UBE2L3: variants seen among roughly 807,000 people sequenced by gnomAD.
The protein encoded by UBE2L3 is ubiquitin conjugating enzyme E2 L3.
UBE2L3 carries 1 observed loss-of-function variant against 17.8 expected under a neutral mutation model. The ratio of observed to expected loss-of-function variants is 0.06; its 90% CI spans 0.02 to 0.27. The LOEUF (loss-of-function observed/expected upper bound fraction) is 0.27. UBE2L3 is among the 10% of genes least tolerant of loss of function. The pLI, the probability that UBE2L3 is intolerant of heterozygous loss-of-function variation, is 1.00. For synonymous variants in UBE2L3, 44 were observed against 68.5 expected (o/e 0.64, Z 1.76); for missense variants, 40 against 192.6 (o/e 0.21, Z 4.69).
chr22:21,616,297 G>C (rs1229350038), intron 3 of UBE2L3, among the ~76,000 whole-genome samples: 1 of 152,156 alleles, frequency 6.6e-6, no homozygotes, highest in Non-Finnish European at 1.5e-5. Context: ...GTGATTGTCA[G>C]GGTCTAGGAG....
chr22:21,565,971 C>CTCT, upstream of UBE2L3, among the ~76,000 whole-genome samples: 1 of 122,648 alleles, frequency 8.2e-6, no homozygotes, highest in Admixed American at 9.3e-5. Flanking sequence ...CAGAGTACTC[C>CTCT]TTTTTTTTTT....
chr22:21,589,586 G>C (rs566721393), intron 1 of UBE2L3, among the ~76,000 whole-genome samples: 2 of 152,280 alleles, frequency 1.3e-5, no homozygotes, highest in East Asian at 3.9e-4. Context: ...GGGTGGGTTG[G>C]TCACAGTGCC....
chr22:21,592,576 G>A (rs1276628047), intron 1 of UBE2L3, among the ~76,000 whole-genome samples: 1 of 152,182 alleles, frequency 6.6e-6, no homozygotes, highest in Non-Finnish European at 1.5e-5. Context: ...CAAAGAGGAG[G>A]TGGTACGTCT....
chr22:21,573,177 T>C (rs531955110), intron 1 of UBE2L3, among the ~76,000 whole-genome samples: 1 of 152,226 alleles, frequency 6.6e-6, no homozygotes, highest in South Asian at 2.1e-4. Flanking sequence ...AGTAGAGAAG[T>C]GCACATGAGC....
chr22:21,556,147 C>T (rs1476225143), intron 1 of UBE2L3, among the ~76,000 whole-genome samples: 2 of 152,232 alleles, frequency 1.3e-5, no homozygotes, highest in Admixed American at 1.3e-4. Flanking sequence ...GGGAAGATTG[C>T]TTGAGCCTGG....
chr22:21,584,710 G>C (rs1207420192), intron 1 of UBE2L3, among the ~76,000 whole-genome samples: 2 of 150,764 alleles, frequency 1.3e-5, no homozygotes, highest in Admixed American at 1.3e-4. Flanking sequence ...GGGATTACAG[G>C]AGCACTTTGG....
In UBE2L3 at chr22:21,587,147, A is replaced by G. The variant is rs539738144; in HGVS notation, c.28-5714A>G. 2.6e-4 allele frequency among the ~76,000 whole-genome samples: 39 copies of G among 151,990 alleles called. 1 individual carries two copies. The highest frequency in any genetic ancestry group is 5.4e-4 in the Non-Finnish European group (37 of 67,968). On this transcript the variant is annotated intron_variant, in intron 1 of 3. Coordinates refer to ENST00000342192, the MANE Select transcript of UBE2L3 (RefSeq NM_003347.4). ...GTGATCCACCTGCTTTGGCCTCCCAAAATGCTGGGATTACAGGCATGAACC... is the reference window on the plus strand; with the variant it reads ...GTGATCCACCTGCTTTGGCCTCCCAGAATGCTGGGATTACAGGCATGAACC...
intron 3 of UBE2L3, among the ~76,000 whole-genome samples, chr22:21,615,387 T>G (rs369743345): frequency 2.7e-5 from 4 of 150,068 alleles, no homozygotes; most frequent in African/African-American, 4.9e-5. Context: ...AACCCTGTCT[T>G]TACTAAAAAT....
chr22:21,582,374 G>A (rs1319033788), intron 1 of UBE2L3, among the ~76,000 whole-genome samples: 1 of 147,952 alleles, frequency 6.8e-6, no homozygotes, highest in Non-Finnish European at 1.5e-5. Context: ...TTTTTTTTGC[G>A]ATGGAGTCTC....
chr22:21,609,197 G>A (rs191501687), intron 2 of UBE2L3, among the ~76,000 whole-genome samples: 3 of 151,980 alleles, frequency 2.0e-5, no homozygotes, highest in Admixed American at 1.3e-4. Context: ...GCGCCCGGCC[G>A]GCAGTTTCTT....
At chr22:21,600,847 A>C (rs1164847369) in intron 2 of UBE2L3, among the ~76,000 whole-genome samples, 5 of 152,136 alleles carry the variant, frequency 3.3e-5, no homozygotes, top group Non-Finnish European at 7.4e-5. Context: ...AAATAACCAA[A>C]AAGCCTGTTT....
At chr22:21,600,025 T>C (rs1054001909) in intron 2 of UBE2L3, among the ~76,000 whole-genome samples, 6 of 152,200 alleles carry the variant, frequency 3.9e-5, no homozygotes, top group Admixed American at 6.5e-5. Context: ...AAAATACTTA[T>C]TCCTGGCCGG....
intron 3 of UBE2L3, among the ~76,000 whole-genome samples, chr22:21,621,020 G>A (rs1481148752): frequency 4.6e-5 from 7 of 152,122 alleles, no homozygotes; most frequent in African/African-American, 7.2e-5. Context: ...TGGATTAGCC[G>A]GGCATGGTGG....
At chr22:21,601,233 C>T (rs1376539536) in intron 2 of UBE2L3, among the ~76,000 whole-genome samples, 1 of 152,120 alleles carries the variant, frequency 6.6e-6, no homozygotes, top group East Asian at 1.9e-4. Context: ...GTTCTTGTGA[C>T]TTTCGAACAT....
intron 3 of UBE2L3, chr22:21,614,594 C>T (rs1929669569): frequency 2.2e-6 from 3 of 1,367,578 alleles, no homozygotes; most frequent in Middle Eastern, 4.2e-4. Flanking sequence ...CTCTCAGATC[C>T]AGCCTTGAAG....
chr22:21,602,562 C>T (rs2148432907), intron 2 of UBE2L3, among the ~76,000 whole-genome samples: 1 of 152,248 alleles, frequency 6.6e-6, no homozygotes, highest in Admixed American at 6.5e-5. Flanking sequence ...GAAAGGTTGC[C>T]ATGGGAAAGG....
At chr22:21,570,519 G>T (rs371819345) in intron 1 of UBE2L3, among the ~76,000 whole-genome samples, 1 of 152,144 alleles carries the variant, frequency 6.6e-6, no homozygotes, top group East Asian at 1.9e-4. Flanking sequence ...GAGAGAAGAC[G>T]CTGACTCTTC....
intron 2 of UBE2L3, among the ~76,000 whole-genome samples, chr22:21,602,083 G>A (rs1333385105): frequency 6.6e-6 from 1 of 152,110 alleles, no homozygotes; most frequent in African/African-American, 2.4e-5. Context: ...AGCCCACAGG[G>A]CTGGTCTCAG....
At chr22:21,614,561 T>C (rs1929667370) in intron 3 of UBE2L3, 1 of 1,367,396 alleles carries the variant, frequency 7.3e-7, no homozygotes. Context: ...CCTTAGAAAC[T>C]TCAGCGTTCC....
Sources: allele counts gnomAD v4.1 joint callset (sites outside exome capture counted in the v4.1 genomes callset), GRCh38; gene constraint gnomAD v4.1.1; transcripts MANE v1.5; gene names NCBI Gene and HGNC (gene_info 2026-07-23, HGNC 2026-07-21).